Variants in NAA35 observed in about 807,000 individuals in gnomAD.
The protein encoded by NAA35 is MAK10 homolog, amino-acid N-acetyltransferase subunit.
A neutral mutation model predicts 101.7 loss-of-function variants in NAA35; 18 were observed. The ratio of observed to expected loss-of-function variants is 0.18; its 90% CI spans 0.12 to 0.26. The LOEUF (loss-of-function observed/expected upper bound fraction) is 0.26, where lower values mean the gene tolerates loss of function less well. Ranked by LOEUF, NAA35 falls within the 10% of genes least tolerant of loss-of-function variation. NAA35 has a pLI of 1.00. For missense variants in NAA35, 601 were observed against 886.8 expected, an observed-to-expected ratio of 0.68 and a Z score of 4.09; for synonymous variants, 267 against 273.1, an observed-to-expected ratio of 0.98 and a Z score of 0.22.
chr9:86,013,347 C>G (rs1273910740), intron 16 of NAA35, among the ~76,000 whole-genome samples: 2 of 151,992 alleles, frequency 1.3e-5, no homozygotes, highest in African/African-American at 4.8e-5. Flanking sequence ...TTAAATATTT[C>G]TTTGATAATA....
chr9:86,013,989 T>A (rs905076369), intron 17 of NAA35, 92 bp downstream of exon 17: 6 of 1,074,690 alleles, frequency 5.6e-6, no homozygotes, highest in Non-Finnish European at 7.8e-6. Flanking sequence ...TTTCATTTAG[T>A]ATATTTTATC....
In NAA35 at chr9:85,975,099, T is replaced by C; in HGVS notation, c.584-15T>C. The C allele has an allele frequency of 6.2e-7, 1 of 1,613,338 alleles. No individual in the cohort carries two copies. The highest frequency in any genetic ancestry group is 1.1e-5 in the South Asian group (1 of 90,958). On this transcript the variant is annotated splice_polypyrimidine_tract_variant and intron_variant, in intron 7 of 22. Transcript: ENST00000361671. Reference sequence around the variant, plus strand: ...TCATATGTTTCCTTTTAAAACTTATTGTTTCTTTTTCTAGGCATGCTAAAA... The same window carrying C: ...TCATATGTTTCCTTTTAAAACTTATCGTTTCTTTTTCTAGGCATGCTAAAA...
chr9:85,968,914 A>G lies in NAA35; in HGVS notation c.517-6053A>G, dbSNP rs1203799824. The stretch of plus-strand genomic sequence containing the variant: ...TCATACAAAATTTTGTTTTTCTTAT[A>G]TGTGATAATTGTCTCTCTTTTTGAT... On this transcript the variant is annotated intron_variant, in intron 6 of 22. Transcript: ENST00000361671. Among the ~76,000 whole-genome samples, 3 of 152,068 alleles carry G rather than the reference A, an allele frequency of 2.0e-5. No individual in the cohort carries two copies. The East Asian group carries it at 5.8e-4, about 29-fold the overall frequency.
chr9:85,952,729 G>T (rs530075462), intron 2 of NAA35, among the ~76,000 whole-genome samples: 1 of 152,234 alleles, frequency 6.6e-6, no homozygotes, highest in East Asian at 1.9e-4. Context: ...TGGTACTAGG[G>T]TGAAGTGAGT....
chr9:85,986,673 C>G (rs1830663315), intron 11 of NAA35: 2 of 312,588 alleles, frequency 6.4e-6, no homozygotes, highest in Non-Finnish European at 1.2e-5. Flanking sequence ...CAACCTCTGC[C>G]TCCCGGGTTC....
At chr9:85,966,535 A>G (rs1195961595) in intron 6 of NAA35, 2 of 825,252 alleles carry the variant, frequency 2.4e-6, no homozygotes, top group Non-Finnish European at 3.4e-6. Flanking sequence ...ACAAATGAAA[A>G]TGTAGTTTGA....
At chr9:85,951,211 T>A (rs973894889) in intron 2 of NAA35, among the ~76,000 whole-genome samples, 1 of 152,174 alleles carries the variant, frequency 6.6e-6, no homozygotes, top group Admixed American at 6.5e-5. Context: ...ATCATTGTAT[T>A]TTCCAAAACA....
chr9:86,014,550 C>G (rs1197053516), intron 17 of NAA35: 2 of 157,452 alleles, frequency 1.3e-5, no homozygotes, highest in African/African-American at 4.8e-5. Context: ...TAATTTTAAA[C>G]TAATGACCTG....
chr9:85,945,949 T>C (rs1443896399), intron 2 of NAA35, among the ~76,000 whole-genome samples: 2 of 152,138 alleles, frequency 1.3e-5, no homozygotes, highest in Non-Finnish European at 2.9e-5. Flanking sequence ...TCAACTTTTA[T>C]GATTTATTTT....
In NAA35 at chr9:85,955,360, AT is replaced by A. The variant is rs61549690; in HGVS notation, c.125-983del. 1.1e-3 allele frequency among the ~76,000 whole-genome samples: 57 copies of A among 53,930 alleles called. No homozygotes were observed. The East Asian group carries it at 0.02, about 19-fold the overall frequency. The allele number at this position is 53,930 out of a possible 152,430, so 35.4% of individuals were successfully genotyped here. A position where few individuals can be genotyped will look rare whatever the true frequency, so the allele number is the denominator to read the frequency against. ...TATATATATATATATATATATATAT[AT>A]TTTTTTTTTTTTTTTTCTTCAGACA... On this transcript the variant is annotated intron_variant, in intron 2 of 22. Transcript: ENST00000361671.
chr9:85,953,361 A>C (rs532861826), intron 2 of NAA35, among the ~76,000 whole-genome samples: 1 of 151,860 alleles, frequency 6.6e-6, no homozygotes, highest in Non-Finnish European at 1.5e-5. Context: ...TTCTCTATCC[A>C]TTAAACAAAC....
intron 10 of NAA35, 92 bp from the exon 11 acceptor site, chr9:85,978,175 T>A: frequency 1.3e-6 from 1 of 780,978 alleles, no homozygotes; most frequent in Non-Finnish European, 2.2e-6. Flanking sequence ...AGCAAGCATT[T>A]AATTTCATTA....
At position 86,000,452 on chromosome 9, in the gene NAA35, A is replaced by G. The variant is rs1326482106; in HGVS notation, c.1057-3133A>G. ...AGAAGTCCCTCCTCAGTTTTTTGCA[A>G]TAGTTTCTGTAGGAATGGTACCAGC... On this transcript the variant is annotated intron_variant, in intron 12 of 22. Coordinates refer to ENST00000361671, the MANE Select transcript of NAA35 (RefSeq NM_024635.4). 2.0e-5 allele frequency among the ~76,000 whole-genome samples: 3 copies of G among 151,994 alleles called. No individual in the cohort carries two copies. In the East Asian group the frequency reaches 5.8e-4, roughly 29 times the overall value.
Position 85,975,094 on chromosome 9 carries a change from C to A in NAA35, c.584-20C>A. The A allele has an allele frequency of 1.2e-6, 2 of 1,612,806 alleles. No individual in the cohort carries two copies. Among genetic ancestry groups the A allele is most frequent in the Non-Finnish European group, 1.7e-6 (2 of 1,179,394 alleles). The stretch of plus-strand genomic sequence containing the variant: ...CATTTTCATATGTTTCCTTTTAAAA[C>A]TTATTGTTTCTTTTTCTAGGCATGC... On this transcript the variant is annotated intron_variant, in intron 7 of 22. Coordinates refer to ENST00000361671, the MANE Select transcript of NAA35 (RefSeq NM_024635.4).
At chr9:85,977,492 GCTGGAATTCCTGAGTGAAGCAGTT>G (rs1830264478) in intron 10 of NAA35, 46 bp downstream of exon 10, 5 of 1,410,090 alleles carry the variant, frequency 3.5e-6, no homozygotes, top group Non-Finnish European at 5.0e-6. Flanking sequence ...AGTGATTTTG[GCTGGAATTCCTGAGTGAAGCAGTT>G]CTGAAACTTC....
intron 2 of NAA35, among the ~76,000 whole-genome samples, chr9:85,954,248 T>G (rs2118313752): frequency 6.6e-6 from 1 of 152,250 alleles, no homozygotes; most frequent in South Asian, 2.1e-4. Flanking sequence ...GCCTGGCTAA[T>G]TTTAGAAGAT....
At chr9:85,988,637 C>T (rs911105139) in intron 11 of NAA35, among the ~76,000 whole-genome samples, 1 of 152,038 alleles carries the variant, frequency 6.6e-6, no homozygotes, top group African/African-American at 2.4e-5. Context: ...CCCATCTCTA[C>T]TAAAAATACA....
At chr9:86,013,609 C>G (rs1294176927) in intron 16 of NAA35, 110 bp from the exon 17 acceptor site, 2 of 986,976 alleles carry the variant, frequency 2.0e-6, no homozygotes, top group Non-Finnish European at 3.0e-6. Context: ...TTTGGGTGGT[C>G]AGATTTAAAT....
intron 22 of NAA35, 45 bp downstream of exon 22, chr9:86,021,014 A>C (rs780801142): frequency 7.2e-7 from 1 of 1,392,792 alleles, no homozygotes; most frequent in Admixed American, 1.9e-5. Context: ...ATTATTGTGA[A>C]GTTTCATAAG....
Sources: allele counts gnomAD v4.1 joint callset (sites outside exome capture counted in the v4.1 genomes callset), GRCh38; gene constraint gnomAD v4.1.1; transcripts MANE v1.5; gene names NCBI Gene and HGNC (gene_info 2026-07-23, HGNC 2026-07-21).